Variants in UBXN7 observed in about 807,000 individuals in gnomAD.
UBXN7 encodes the protein UBX domain protein 7, also known as UBX domain-containing protein 7.
UBXN7 carries 9 observed loss-of-function variants against 58.0 expected under a neutral mutation model. The ratio of observed to expected loss-of-function variants is 0.16; its 90% CI spans 0.09 to 0.27. The LOEUF is 0.27. UBXN7 is among the 10% of genes least tolerant of loss of function. The pLI is 1.00. For missense variants in UBXN7, 328 were observed against 599.6 expected (o/e 0.55, Z 4.73); for synonymous variants, 208 against 205.0 (o/e 1.01, Z -0.12).
chr3:196,372,584 C>G (rs532436868), intron 5 of UBXN7, among the ~76,000 whole-genome samples: 7 of 152,012 alleles, frequency 4.6e-5, no homozygotes, highest in African/African-American at 1.7e-4. Flanking sequence ...TCAAATGACC[C>G]GTCCACCTTG....
At chr3:196,418,991 C>T (rs577298433) in intron 1 of UBXN7, among the ~76,000 whole-genome samples, 25 of 152,266 alleles carry the variant, frequency 1.6e-4, no homozygotes, top group African/African-American at 5.8e-4. Context: ...TGAGGTCGAG[C>T]GCGGTGGCTC....
At chr3:196,410,606 G>A (rs547008255) in intron 1 of UBXN7, among the ~76,000 whole-genome samples, 3 of 152,234 alleles carry the variant, frequency 2.0e-5, no homozygotes, top group South Asian at 2.1e-4. Flanking sequence ...GGCAGATCAC[G>A]AGGTTAGGAG....
intron 3 of UBXN7, among the ~76,000 whole-genome samples, chr3:196,396,125 CTCCT>C (rs1201934488): frequency 6.6e-6 from 1 of 150,460 alleles, no homozygotes; most frequent in Admixed American, 6.6e-5. Flanking sequence ...TCCTCCCTCC[CTCCT>C]TTCTTCATTT....
In UBXN7 at chr3:196,353,479, T is replaced by G. The variant is rs1364387386; in HGVS notation, c.*3206A>C. The stretch of plus-strand genomic sequence containing the variant: ...CACTTTTTTCCCACTAGTTTTCTTC[T>G]TCTTCTTCTTTTTTTTTTTTAAATT... On this transcript the variant is annotated 3_prime_UTR_variant, in exon 11 of 11. Coordinates refer to ENST00000296328, the MANE Select transcript of UBXN7 (RefSeq NM_015562.2). 6 of 151,194 alleles carry G rather than the reference T, an allele frequency of 4.0e-5. No homozygotes were observed. The highest frequency in any genetic ancestry group is 7.4e-5 in the Non-Finnish European group (5 of 67,766). The allele number at this position is 151,194 out of a possible 1,614,324, so 9.4% of individuals were successfully genotyped here. A position where few individuals can be genotyped will look rare whatever the true frequency, so the allele number is the denominator to read the frequency against.
At chr3:196,417,926 A>C (rs561503758) in intron 1 of UBXN7, among the ~76,000 whole-genome samples, 1 of 151,880 alleles carries the variant, frequency 6.6e-6, no homozygotes, top group African/African-American at 2.4e-5. Context: ...GTCTCTAAAA[A>C]AAAAAAAGAA....
chr3:196,367,909 A>T, intron 8 of UBXN7, 119 bp downstream of exon 8: 1 of 1,368,786 alleles, frequency 7.3e-7, no homozygotes, highest in Non-Finnish European at 9.9e-7. Flanking sequence ...TGCTATAGCC[A>T]CAGTGATAGT....
chr3:196,368,700 G>A (rs1728736902), intron 7 of UBXN7, among the ~76,000 whole-genome samples: 1 of 152,182 alleles, frequency 6.6e-6, no homozygotes, highest in African/African-American at 2.4e-5. Flanking sequence ...AAGAGATTCA[G>A]ACAAAGCAAT....
chr3:196,355,283 C>A lies in UBXN7; in HGVS notation c.*1402G>T, dbSNP rs986079205. The stretch of plus-strand genomic sequence containing the variant: ...TGCCACCAGAATCACGACTACCCCC[C>A]CTTCAGAGGACTCCATTTAAGCTCA... On this transcript the variant is annotated 3_prime_UTR_variant, in exon 11 of 11. Transcript: ENST00000296328. 1 of 152,132 alleles carries A rather than the reference C, an allele frequency of 6.6e-6. No individual in the cohort carries two copies. The highest frequency in any genetic ancestry group is 2.4e-5 in the African/African-American group (1 of 41,424). The allele number at this position is 152,132 out of a possible 1,614,324, so 9.4% of individuals were successfully genotyped here. A position where few individuals can be genotyped will look rare whatever the true frequency, so the allele number is the denominator to read the frequency against.
chr3:196,432,203 AG>A lies in UBXN7; in HGVS notation c.73+123del, dbSNP rs1369350436. On this transcript the variant is annotated intron_variant, in intron 1 of 10. Coordinates refer to ENST00000296328, the MANE Select transcript of UBXN7 (RefSeq NM_015562.2). Reference sequence around the variant, plus strand: ...ACGCCGTCGTCGCCTCTTCCTCAGGAGGGAGGACGGCAGCTGTGGGTAAAGC... The same window carrying A: ...ACGCCGTCGTCGCCTCTTCCTCAGGAGGAGGACGGCAGCTGTGGGTAAAGC... 3.7e-6 allele frequency: 5 copies of A among 1,354,806 alleles called. No homozygotes were observed. In the African/African-American group the frequency reaches 7.2e-5, roughly 20 times the overall value. 83.9% of individuals were successfully genotyped at this position (1,354,806 alleles called of 1,614,324 possible).
rs996829577 is a variant in UBXN7, at chr3:196,384,885, C to T, written c.468+6928G>A. On this transcript the variant is annotated intron_variant, in intron 5 of 10. Transcript: ENST00000296328. Reference sequence around the variant, plus strand: ...AACTGGAAGCATTCCCTTTGAAAACCGGCACAAGACAAGGATGCCCTCTCT... The same window carrying T: ...AACTGGAAGCATTCCCTTTGAAAACTGGCACAAGACAAGGATGCCCTCTCT... 1.8e-4 allele frequency among the ~76,000 whole-genome samples: 28 copies of T among 152,248 alleles called. No individual in the cohort carries two copies. The East Asian group carries it at 3.9e-3, about 21-fold the overall frequency.
At chr3:196,422,788 T>C (rs989891355) in intron 1 of UBXN7, among the ~76,000 whole-genome samples, 6 of 152,188 alleles carry the variant, frequency 3.9e-5, no homozygotes, top group Non-Finnish European at 5.9e-5. Context: ...TATCAAAAGA[T>C]ATTCACACAC....
chr3:196,411,331 G>A (rs752893414), intron 1 of UBXN7, among the ~76,000 whole-genome samples: 16 of 152,168 alleles, frequency 1.1e-4, no homozygotes, highest in Admixed American at 2.0e-4. Context: ...AGAGGGAGTA[G>A]GCCTTAGTCA....
intron 2 of UBXN7, among the ~76,000 whole-genome samples, chr3:196,406,349 A>T (rs1730160263): frequency 6.6e-6 from 1 of 151,278 alleles, no homozygotes; most frequent in African/African-American, 2.4e-5. Flanking sequence ...TTTAAATATT[A>T]AGGTTTTCAT....
intron 8 of UBXN7, among the ~76,000 whole-genome samples, chr3:196,365,559 C>T (rs1055190784): frequency 1.3e-5 from 2 of 152,018 alleles, no homozygotes; most frequent in African/African-American, 4.8e-5. Context: ...CATGCCACAC[C>T]CCAGCTGGTT....
chr3:196,372,750 T>A (rs1055369445), intron 5 of UBXN7, among the ~76,000 whole-genome samples: 4 of 117,968 alleles, frequency 3.4e-5, no homozygotes, highest in African/African-American at 5.6e-5. Flanking sequence ...CCATCAACAA[T>A]TTTTTTTTTT....
intron 10 of UBXN7, among the ~76,000 whole-genome samples, chr3:196,358,063 A>C (rs1176240749): frequency 1.3e-5 from 2 of 152,048 alleles, no homozygotes; most frequent in Non-Finnish European, 2.9e-5. Flanking sequence ...AACAAAAACA[A>C]CACAAACCAA....
At chr3:196,426,163 C>T (rs1393156819) in intron 1 of UBXN7, among the ~76,000 whole-genome samples, 2 of 152,040 alleles carry the variant, frequency 1.3e-5, no homozygotes, top group South Asian at 2.1e-4. Flanking sequence ...GTGGGTGGAT[C>T]ACCTGAGGTC....
intron 10 of UBXN7, among the ~76,000 whole-genome samples, chr3:196,358,099 G>T (rs1333093253): frequency 6.6e-6 from 1 of 152,156 alleles, no homozygotes; most frequent in Non-Finnish European, 1.5e-5. Context: ...CATCAGCTGT[G>T]TTAGATGAAA....
intron 5 of UBXN7, among the ~76,000 whole-genome samples, chr3:196,384,528 G>A (rs991530278): frequency 2.0e-5 from 3 of 152,164 alleles, no homozygotes; most frequent in African/African-American, 4.8e-5. Flanking sequence ...TATCCCTGAT[G>A]AACATTGATG....
Sources: allele counts gnomAD v4.1 joint callset (sites outside exome capture counted in the v4.1 genomes callset), GRCh38; gene constraint gnomAD v4.1.1; transcripts MANE v1.5; gene names NCBI Gene and HGNC (gene_info 2026-07-23, HGNC 2026-07-21).